TBL1Y: variants seen among roughly 807,000 people sequenced by gnomAD.
TBL1Y encodes transducin beta like 1 Y-linked.
TBL1Y carries 15 observed loss-of-function variants against 12.0 expected under a neutral mutation model. The ratio of observed to expected loss-of-function variants is 1.25; its 90% CI spans 0.83 to 1.92. The LOEUF is 1.92. TBL1Y is among the 40% of genes most tolerant of loss of function. The pLI is 0.00. For synonymous variants in TBL1Y, 53 were observed against 42.6 expected (o/e 1.24, Z -0.95); for missense variants, 148 against 116.7 (o/e 1.27, Z -1.24).
chrY:7,016,354 A>G (rs2012549548), intron 4 of TBL1Y, among the ~76,000 whole-genome samples: 1 of 32,121 alleles, frequency 3.1e-5, no homozygotes, highest in Non-Finnish European at 7.5e-5. Context: ...ATGGCGGGGG[A>G]TGTGGGGAGG....
intron 2 of TBL1Y, among the ~76,000 whole-genome samples, chrY:6,960,268 G>C (rs953392492): frequency 3.3e-4 from 11 of 33,647 alleles, no homozygotes; most frequent in African/African-American, 1.3e-3. Flanking sequence ...TTATAGTTTG[G>C]GAATCTGGTT....
intron 2 of TBL1Y, among the ~76,000 whole-genome samples, chrY:6,952,176 T>C (rs2012034347): frequency 3.0e-5 from 1 of 33,215 alleles, no homozygotes; most frequent in Non-Finnish European, 7.4e-5. Flanking sequence ...GAGAGTTCTG[T>C]AGATGTCTAT....
At chrY:7,058,961 C>T in intron 7 of TBL1Y, among the ~76,000 whole-genome samples, 1 of 33,300 alleles carries the variant, frequency 3.0e-5, no homozygotes, top group Non-Finnish European at 7.4e-5. Flanking sequence ...GCAGGGAGGG[C>T]TGTTCCTCTA....
chrY:6,947,699 A>C, intron 2 of TBL1Y, among the ~76,000 whole-genome samples: 2 of 34,063 alleles, frequency 5.9e-5, no homozygotes, highest in East Asian at 1.5e-3. Context: ...TTTTTCAACT[A>C]ACATTTATTA....
intron 2 of TBL1Y, among the ~76,000 whole-genome samples, chrY:6,965,960 C>T (rs755700689): frequency 6.0e-5 from 2 of 33,586 alleles, no homozygotes; most frequent in South Asian, 6.7e-4. Flanking sequence ...TTTTCTTTTA[C>T]GTAAATGTGC....
intron 2 of TBL1Y, among the ~76,000 whole-genome samples, chrY:6,944,906 G>A: frequency 3.0e-5 from 1 of 32,950 alleles, no homozygotes; most frequent in African/African-American, 1.2e-4. Flanking sequence ...TGTTTAATAT[G>A]TGTGTTTTAA....
intron 13 of TBL1Y, among the ~76,000 whole-genome samples, chrY:7,075,794 G>A: frequency 3.0e-5 from 1 of 33,449 alleles, no homozygotes; most frequent in African/African-American, 1.2e-4. Flanking sequence ...GAAGGGTTCC[G>A]TAACAAATTC....
intron 4 of TBL1Y, among the ~76,000 whole-genome samples, chrY:7,001,535 C>T (rs2012451124): frequency 3.1e-5 from 1 of 32,102 alleles, no homozygotes; most frequent in Non-Finnish European, 7.6e-5. Flanking sequence ...AGGAGAATGG[C>T]GTGAACCCGG....
chrY:7,063,968 G>T lies in TBL1Y; in HGVS notation c.276G>T (p.Val92=), dbSNP rs779475241. Residue 92 remains valine, a synonymous_variant, in exon 8 of 19, where the codon GTG becomes GTT. Transcript: ENST00000383032. ...TAGTTGCTGTGATTCCTGATGTGGT[G>T]CAGATGCGGCAGCAGGCATTTGGAG... ...SLIVAVIPDV[V]QMRQQAFGEK... 2.5e-6 allele frequency: 1 copy of T among 396,042 alleles called. No homozygotes were observed. The highest frequency in any genetic ancestry group is 3.0e-5 in the South Asian group (1 of 33,206).
At chrY:6,919,388 C>T in intron 2 of TBL1Y, 1 of 32,879 alleles carries the variant, frequency 3.0e-5, no homozygotes, top group African/African-American at 1.2e-4. Context: ...TCACTCTGCC[C>T]CCAGCCCCAA....
At chrY:7,051,516 A>G in intron 7 of TBL1Y, among the ~76,000 whole-genome samples, 2 of 33,616 alleles carry the variant, frequency 5.9e-5, no homozygotes, top group Non-Finnish European at 1.5e-4. Context: ...AAAAACCCCA[A>G]AATACCCAAC....
intron 2 of TBL1Y, among the ~76,000 whole-genome samples, chrY:6,914,830 A>G: frequency 1.2e-4 from 4 of 33,869 alleles, no homozygotes; most frequent in Admixed American, 2.7e-4. Context: ...TTTCTAAAAA[A>G]ATGACTCATT....
chrY:6,977,760 A>C, intron 2 of TBL1Y, among the ~76,000 whole-genome samples: 1 of 33,120 alleles, frequency 3.0e-5, no homozygotes, highest in Non-Finnish European at 7.4e-5. Flanking sequence ...GAGTGTCTTT[A>C]TGAGTAGAGT....
intron 3 of TBL1Y, among the ~76,000 whole-genome samples, chrY:6,988,094 A>T (rs2012334076): frequency 5.9e-5 from 2 of 33,892 alleles, no homozygotes; most frequent in Non-Finnish European, 1.5e-4. Context: ...TAATGTGCTG[A>T]TGCATGTCAT....
At chrY:7,055,306 C>A (rs2012820041) in intron 7 of TBL1Y, among the ~76,000 whole-genome samples, 1 of 33,662 alleles carries the variant, frequency 3.0e-5, no homozygotes, top group Admixed American at 2.7e-4. Context: ...GATCTCAGGT[C>A]TCAGGGTGCT....
chrY:7,070,439 G>A, intron 9 of TBL1Y, 111 bp downstream of exon 9: 1 of 268,875 alleles, frequency 3.7e-6, no homozygotes, highest in Non-Finnish European at 5.5e-6. Context: ...CCCAATGTGG[G>A]CAGACCCAGG....
intron 7 of TBL1Y, among the ~76,000 whole-genome samples, chrY:7,048,262 T>G (rs2012772896): frequency 3.0e-5 from 1 of 33,400 alleles, no homozygotes; most frequent in Non-Finnish European, 7.3e-5. Context: ...TGCAGTCCTG[T>G]GTATCTAAAC....
intron 2 of TBL1Y, among the ~76,000 whole-genome samples, chrY:6,974,592 C>A (rs2012226792): frequency 2.9e-5 from 1 of 34,156 alleles, no homozygotes; most frequent in Non-Finnish European, 7.3e-5. Context: ...AAAGGTGTTG[C>A]TGAATTTACA....
chrY:6,963,830 T>C (rs2012149550), intron 2 of TBL1Y, among the ~76,000 whole-genome samples: 2 of 34,108 alleles, frequency 5.9e-5, no homozygotes, highest in African/African-American at 2.3e-4. Flanking sequence ...CTGAAAACCC[T>C]GAGGAACAAA....
Sources: allele counts gnomAD v4.1 joint callset (sites outside exome capture counted in the v4.1 genomes callset), GRCh38; gene constraint gnomAD v4.1.1; transcripts MANE v1.5; gene names NCBI Gene and HGNC (gene_info 2026-07-23, HGNC 2026-07-21).